ATP6V0E2: variants seen among roughly 807,000 people sequenced by gnomAD.
The protein encoded by ATP6V0E2 is ATPase H+ transporting V0 subunit e2.
ATP6V0E2 carries 4 observed loss-of-function variants against 11.5 expected under a neutral mutation model. That is an observed-to-expected ratio of 0.35 (90% CI 0.17 to 0.80). The LOEUF (loss-of-function observed/expected upper bound fraction) is 0.80. Among genes scored for constraint, ATP6V0E2 ranks in the 30% least tolerant of loss-of-function variants. ATP6V0E2 has a pLI of 0.53. For synonymous variants in ATP6V0E2, 52 were observed against 51.0 expected, an observed-to-expected ratio of 1.02 and a Z score of -0.09; for missense variants, 93 against 113.5, an observed-to-expected ratio of 0.82 and a Z score of 0.82.
chr7:149,875,449 T>G (rs1285913692), intron 1 of ATP6V0E2, 149 bp from the exon 2 acceptor site: 1 of 782,640 alleles, frequency 1.3e-6, no homozygotes, highest in Admixed American at 2.0e-5. Flanking sequence ...ATTCTTACCC[T>G]GAGTAGAACT....
At chr7:149,876,096 G>A (rs1377300006) in intron 2 of ATP6V0E2, 1 of 457,846 alleles carries the variant, frequency 2.2e-6, no homozygotes, top group African/African-American at 2.0e-5. Context: ...CTAGGTGAGA[G>A]GCCAGACGTG....
At chr7:149,872,982 C>G (rs113211607), upstream of ATP6V0E2, 5 of 152,260 alleles carry the variant, frequency 3.3e-5, no homozygotes, top group South Asian at 2.1e-4. Flanking sequence ...CTAGAGATAC[C>G]GCCTGGAGGC....
intron 2 of ATP6V0E2, among the ~76,000 whole-genome samples, chr7:149,878,297 C>A (rs111279896): frequency 6.6e-6 from 1 of 152,142 alleles, no homozygotes; most frequent in Non-Finnish European, 1.5e-5. Context: ...ACGTGCTGCC[C>A]GCCAGGCCTG....
At chr7:149,875,491 G>A in intron 1 of ATP6V0E2, 107 bp from the exon 2 acceptor site, 2 of 1,089,416 alleles carry the variant, frequency 1.8e-6, no homozygotes, top group East Asian at 2.3e-5. Context: ...CATCAGGAAG[G>A]CCAATGGAAA....
intron 3 of ATP6V0E2, chr7:149,879,072 C>T: frequency 7.3e-7 from 1 of 1,361,226 alleles, no homozygotes. Context: ...GGGGAGGGGA[C>T]TGAACATCAA....
chr7:149,874,239 C>T (rs1803001246), intron 1 of ATP6V0E2, 70 bp downstream of exon 1: 2 of 1,469,456 alleles, frequency 1.4e-6, no homozygotes, highest in African/African-American at 1.4e-5. Context: ...CCCTCCGCCC[C>T]GGGGCGGCGG....
intron 2 of ATP6V0E2, among the ~76,000 whole-genome samples, chr7:149,877,479 G>A (rs1328538598): frequency 1.1e-4 from 16 of 151,982 alleles, no homozygotes; most frequent in African/African-American, 3.9e-4. Context: ...ACTGCACCCA[G>A]AAATGTATAA....
At position 149,879,507 on chromosome 7, in the gene ATP6V0E2, C is replaced by CG. The variant is rs752565837; in HGVS notation, c.*195dup. On this transcript the variant is annotated 3_prime_UTR_variant, in exon 4 of 4. Coordinates refer to ENST00000425642, the MANE Select transcript of ATP6V0E2 (RefSeq NM_145230.4). The stretch of plus-strand genomic sequence containing the variant: ...GTCTTCCCAGTCTTCCCAGCCAGCC[C>CG]GGGCCCTGGGGAGCCCTGGGCACAG... 2.5e-6 allele frequency: 4 copies of CG among 1,589,902 alleles called. No individual in the cohort carries two copies. In the African/African-American group the frequency reaches 4.0e-5, roughly 16 times the overall value.
In ATP6V0E2 at chr7:149,874,156, G is replaced by A. The variant is rs1175161771; in HGVS notation, c.91G>A (p.Gly31Arg). The change falls in exon 1 of 4, where the codon GGA becomes AGA. Residue 31 changes from glycine (G) to arginine (R), a missense_variant. By Grantham distance (125) the Gly-to-Arg change is moderately radical. Coordinates refer to ENST00000425642, the MANE Select transcript of ATP6V0E2 (RefSeq NM_145230.4). ...CGCCGGGCCCTGGTTCGTGCCGAAG[G>A]GACCCAACCGCGGGTAAGGAAAGCG... ...GIAGPWFVPK[G>R]PNRGVIITML... The A allele has an allele frequency of 9.7e-6, 15 of 1,548,960 alleles. No individual in the cohort carries two copies. Among genetic ancestry groups the A allele is most frequent in the African/African-American group, 1.4e-5 (1 of 72,986 alleles).
At chr7:149,878,056 G>C (rs748310560) in intron 2 of ATP6V0E2, among the ~76,000 whole-genome samples, 8 of 152,230 alleles carry the variant, frequency 5.3e-5, no homozygotes, top group African/African-American at 9.6e-5. Flanking sequence ...CTGACAGAGC[G>C]TGGGGACCTA....
chr7:149,879,504 GCCC>G lies in ATP6V0E2; in HGVS notation c.*190_*192del. 1 of 1,591,076 alleles carries G rather than the reference GCCC, an allele frequency of 6.3e-7. No individual in the cohort carries two copies. The highest frequency in any genetic ancestry group is 8.6e-7 in the Non-Finnish European group (1 of 1,168,942). On this transcript the variant is annotated 3_prime_UTR_variant, in exon 4 of 4. Coordinates refer to ENST00000425642, the MANE Select transcript of ATP6V0E2 (RefSeq NM_145230.4). ...GAAGTCTTCCCAGTCTTCCCAGCCA[GCCC>G]GGGCCCTGGGGAGCCCTGGGCACAG... is the stretch of plus-strand genomic sequence containing the variant.
Position 149,880,668 on chromosome 7 carries a change from TATATA to T in ATP6V0E2, c.*1357_*1361del, listed in dbSNP as rs1803421938. ...TGACTTGTGCTGAAAACCTGGTTCATATATAATAAATAATGGTGATGAAAAGATTA... is the reference window on the plus strand; with the variant it reads ...TGACTTGTGCTGAAAACCTGGTTCATATAAATAATGGTGATGAAAAGATTA... On this transcript the variant is annotated 3_prime_UTR_variant, in exon 4 of 4. Coordinates refer to ENST00000425642, the MANE Select transcript of ATP6V0E2 (RefSeq NM_145230.4). The T allele has an allele frequency of 6.6e-6, 1 of 152,342 alleles. No individual in the cohort carries two copies. Among genetic ancestry groups the T allele is most frequent in the African/African-American group, 2.4e-5 (1 of 41,460 alleles). 9.4% of individuals were successfully genotyped at this position (152,342 alleles called of 1,614,324 possible). A position where few individuals can be genotyped will look rare whatever the true frequency, so the allele number is the denominator to read the frequency against.
At chr7:149,876,085 A>G in intron 2 of ATP6V0E2, 2 of 459,010 alleles carry the variant, frequency 4.4e-6, no homozygotes, top group Non-Finnish European at 8.7e-6. Flanking sequence ...TCTTAGAACC[A>G]CTAGGTGAGA....
At chr7:149,874,242 G>C in intron 1 of ATP6V0E2, 73 bp downstream of exon 1, 1 of 1,471,854 alleles carries the variant, frequency 6.8e-7, no homozygotes, top group Non-Finnish European at 9.0e-7. Context: ...TCCGCCCCGG[G>C]GCGGCGGCTT....
chr7:149,876,109 G>A (rs377543703), intron 2 of ATP6V0E2: 8 of 456,800 alleles, frequency 1.8e-5, no homozygotes, highest in African/African-American at 1.2e-4. Flanking sequence ...CAGACGTGGC[G>A]GCTCACGCCT....
upstream of ATP6V0E2, chr7:149,873,123 A>G (rs1304487877): frequency 6.6e-6 from 1 of 152,244 alleles, no homozygotes; most frequent in Admixed American, 6.5e-5. Flanking sequence ...GATGGAAGAA[A>G]CTACCGAGCC....
chr7:149,875,759 C>A, intron 2 of ATP6V0E2, 114 bp downstream of exon 2: 2 of 1,026,452 alleles, frequency 1.9e-6, no homozygotes, highest in Admixed American at 1.9e-5. Context: ...TCTTGAAAGG[C>A]TGAACCTATA....
chr7:149,874,752 C>G (rs985243093), intron 1 of ATP6V0E2: 6 of 153,760 alleles, frequency 3.9e-5, no homozygotes, highest in African/African-American at 1.4e-4. Flanking sequence ...TTCCCAGGGG[C>G]TGGAGTTTGT....
upstream of ATP6V0E2, chr7:149,873,821 TC>T: frequency 1.4e-6 from 2 of 1,427,528 alleles, no homozygotes; most frequent in Non-Finnish European, 1.8e-6. Flanking sequence ...GCGCCCCTAT[TC>T]CTCGGCATTT....
Sources: gnomAD v4.1 joint callset for allele counts (sites outside exome capture counted in the v4.1 genomes callset) on GRCh38, gnomAD v4.1.1 for gene constraint, MANE v1.5 for transcripts, NCBI Gene and HGNC (gene_info 2026-07-23, HGNC 2026-07-21) for gene names.